Variants in SMARCA4 observed in about 807,000 individuals in gnomAD.
SMARCA4 encodes SWI/SNF related BAF chromatin remodeling complex subunit ATPase 4, also known as SWI/SNF-related matrix-associated actin-dependent regulator of chromatin subfamily A member 4.
Under a neutral mutation model 193.9 loss-of-function variants are expected in SMARCA4, and 31 were observed. That is an observed-to-expected ratio of 0.16 (90% CI 0.12 to 0.22). The LOEUF (loss-of-function observed/expected upper bound fraction) is 0.22, where lower values mean the gene tolerates loss of function less well. Among genes scored for constraint, SMARCA4 ranks in the 10% least tolerant of loss-of-function variants. The probability of loss-of-function intolerance (pLI) is 1.00; values close to 1 mark genes in which losing one functional copy is unlikely to be tolerated. For missense variants in SMARCA4, 1,148 were observed against 2,296.0 expected, an observed-to-expected ratio of 0.50 and a Z score of 10.22; for synonymous variants, 942 against 933.1, an observed-to-expected ratio of 1.01 and a Z score of -0.17.
At chr19:11,001,645 G>A (rs2087647228) in intron 11 of SMARCA4, among the ~76,000 whole-genome samples, 1 of 151,304 alleles carries the variant, frequency 6.6e-6, no homozygotes, top group South Asian at 2.1e-4. Flanking sequence ...CATTGTTGGG[G>A]TAAGAGGTTG....
chr19:11,039,514 A>G lies in SMARCA4; in HGVS notation c.4171-1793A>G, dbSNP rs909983958. ...CCAGCAGTGTGGCACGTGGGCTACAATTCCAGCGTGGCCTTCAGTTCTGCA... is the reference window on the plus strand; with the variant it reads ...CCAGCAGTGTGGCACGTGGGCTACAGTTCCAGCGTGGCCTTCAGTTCTGCA... On this transcript the variant is annotated intron_variant, in intron 29 of 34. Transcript: ENST00000344626. 6 of 1,602,624 alleles carry G rather than the reference A, an allele frequency of 3.7e-6. No homozygotes were observed. Among genetic ancestry groups the G allele is most frequent in the Non-Finnish European group, 4.3e-6 (5 of 1,176,038 alleles).
intron 11 of SMARCA4, among the ~76,000 whole-genome samples, chr19:10,999,493 T>TA (rs1173459565): frequency 6.6e-6 from 1 of 152,030 alleles, no homozygotes; most frequent in East Asian, 1.9e-4. Flanking sequence ...CTTGTCTTTA[T>TA]AAAAAATTTT....
At position 11,061,807 on chromosome 19, in the gene SMARCA4, A is replaced by C. The variant is rs1060504456; in HGVS notation, c.4935A>C (p.Glu1645Asp). ...AGGACCGCTCAGGAAGTGGCAGCGA[A>C]GAAGACTGAGCCCCGACATTCCAGT... The part of the protein sequence containing the change: ...QEEDRSGSGS[E>D]ED Residue 1645 changes from glutamate to aspartate, a missense_variant, in exon 35 of 35, where the codon GAA becomes GAC. Glu to Asp is a conservative substitution (Grantham distance 45). Coordinates refer to ENST00000344626, the MANE Select transcript of SMARCA4 (RefSeq NM_003072.5). 6.2e-7 allele frequency: 1 copy of C among 1,613,950 alleles called. No homozygotes were observed. Among genetic ancestry groups the C allele is most frequent in the Non-Finnish European group, 8.5e-7 (1 of 1,180,022 alleles).
In SMARCA4 at chr19:11,019,048, C is replaced by G. The variant is rs1186400982; in HGVS notation, c.2505+25C>G. 3.8e-6 allele frequency: 6 copies of G among 1,593,846 alleles called. No individual in the cohort carries two copies. Among genetic ancestry groups the G allele is most frequent in the Non-Finnish European group, 4.3e-6 (5 of 1,161,686 alleles). ...GGTAGGTCACAGCCACTGAGGTTTC[C>G]TCTCTTGCTACGGAGGTGCAGGCGG... On this transcript the variant is annotated intron_variant, in intron 17 of 34. Transcript: ENST00000344626. The surrounding 1 kb of genome is among the most constrained non-coding windows in gnomAD (Gnocchi z 6.1).
Position 11,019,156 on chromosome 19 carries a change from G to A in SMARCA4, c.2505+133G>A. ...CCAGTCGCATGGAGTCTCCAGGACA[G>A]CCTGGAACTCCAGTCACATGGATCC... On this transcript the variant is annotated intron_variant, in intron 17 of 34. Coordinates refer to ENST00000344626, the MANE Select transcript of SMARCA4 (RefSeq NM_003072.5). This position sits in a 1 kb window ranked among gnomAD's most constrained non-coding sequence, Gnocchi z 6.1. 6.6e-6 allele frequency: 5 copies of A among 756,920 alleles called. No individual in the cohort carries two copies. Among genetic ancestry groups the A allele is most frequent in the Non-Finnish European group, 1.2e-5 (5 of 422,484 alleles). 46.9% of individuals were successfully genotyped at this position (756,920 alleles called of 1,614,324 possible).
Position 10,984,470 on chromosome 19 carries a change from A to G in SMARCA4, c.222+97A>G, listed in dbSNP as rs1216857001. ...GGGCCTTACTTGGAGGATGGGGGGA[A>G]GCCTTCTTGTTGGAGGTGTCCTGCC... On this transcript the variant is annotated intron_variant, in intron 2 of 34. Transcript: ENST00000344626. The surrounding 1 kb of genome is among the most constrained non-coding windows in gnomAD (Gnocchi z 4.3). 6.5e-7 allele frequency: 1 copy of G among 1,546,092 alleles called. No individual in the cohort carries two copies. Among genetic ancestry groups the G allele is most frequent in the Non-Finnish European group, 8.7e-7 (1 of 1,145,288 alleles).
In SMARCA4 at chr19:11,007,931, A is replaced by G. The variant is rs761791338; in HGVS notation, c.2031A>G (p.Ala677=). 28 of 1,613,574 alleles carry G rather than the reference A, an allele frequency of 1.7e-5. No individual in the cohort carries two copies. The highest frequency in any genetic ancestry group is 2.3e-5 in the Non-Finnish European group (27 of 1,179,752). The change falls in exon 14 of 35, where the codon GCA becomes GCG. Residue 677 remains alanine (A), a synonymous_variant. Transcript: ENST00000344626. The stretch of plus-strand genomic sequence containing the variant: ...AGGAGGAAGAGCAGCCGCAGGCAGC[A>G]CAGCCTCCCACCCTGCCCGTGGAGG... ...EEEEEEQPQA[A]QPPTLPVEEK...
At position 11,058,706 on chromosome 19, in the gene SMARCA4, T is replaced by C. The variant is rs1389640131; in HGVS notation, c.4534-82T>C. ...CATAGGCACGAGGAATCCTAGCCCG[T>C]GGGGTCTCCAGCACACAGCCAGGCC... On this transcript the variant is annotated intron_variant, in intron 31 of 34. Transcript: ENST00000344626. The surrounding 1 kb of genome is among the most constrained non-coding windows in gnomAD (Gnocchi z 5.8). 10 of 1,186,472 alleles carry C rather than the reference T, an allele frequency of 8.4e-6. No individual in the cohort carries two copies. Among genetic ancestry groups the C allele is most frequent in the African/African-American group, 6.0e-5 (4 of 66,340 alleles). 73.5% of individuals were successfully genotyped at this position (1,186,472 alleles called of 1,614,324 possible).
intron 29 of SMARCA4, chr19:11,039,417 G>A (rs758321902): frequency 1.6e-6 from 2 of 1,221,584 alleles, no homozygotes; most frequent in East Asian, 2.5e-5. Flanking sequence ...GGCACGTTGT[G>A]CACTGAAACA....
intron 1 of SMARCA4, among the ~76,000 whole-genome samples, chr19:10,973,994 A>T (rs971866732): frequency 6.6e-6 from 1 of 152,184 alleles, no homozygotes; most frequent in African/African-American, 2.4e-5. Flanking sequence ...CTCTGCCATA[A>T]CCTGACTCCC....
Position 10,991,326 on chromosome 19 carries a change from A to G in SMARCA4, c.1419+3A>G, listed in dbSNP as rs2086541272. 6.3e-7 allele frequency: 1 copy of G among 1,587,660 alleles called. No individual in the cohort carries two copies. Among genetic ancestry groups the G allele is most frequent in the Non-Finnish European group, 8.6e-7 (1 of 1,167,664 alleles). On this transcript the variant is annotated splice_donor_region_variant and intron_variant, in intron 8 of 34. Transcript: ENST00000344626. ...GCAAGCGCCGGCAGAAGCACCAGGT[A>G]CGCTCCGGTGGCCCCAAGGCCCTGC...
intron 1 of SMARCA4, among the ~76,000 whole-genome samples, chr19:10,973,390 T>A (rs567784711): frequency 1.3e-5 from 2 of 151,648 alleles, no homozygotes; most frequent in South Asian, 4.2e-4. Flanking sequence ...CTTGGGTAGG[T>A]GCTCTTAAGC....
At chr19:11,026,119 T>C (rs1323197035) in intron 22 of SMARCA4, among the ~76,000 whole-genome samples, 181 bp from the exon 23 acceptor site, 1 of 152,200 alleles carries the variant, frequency 6.6e-6, no homozygotes, top group Non-Finnish European at 1.5e-5. Context: ...AGGGAAAGGA[T>C]GTCAGTGGAC....
At chr19:11,012,718 C>T in intron 15 of SMARCA4, 1 of 579,842 alleles carries the variant, frequency 1.7e-6, no homozygotes, top group African/African-American at 1.8e-5. Context: ...CACACGTGTC[C>T]ATCGTTCGCA....
intron 11 of SMARCA4, among the ~76,000 whole-genome samples, chr19:10,997,174 C>A (rs2087146579): frequency 6.6e-6 from 1 of 152,030 alleles, no homozygotes; most frequent in African/African-American, 2.4e-5. Context: ...CATCCACCAC[C>A]ACGCCCATTT....
rs947701433 is a variant in SMARCA4 at position 10,985,858 on chromosome 19, G to A, written c.356-331G>A. 6.6e-6 allele frequency among the ~76,000 whole-genome samples: 1 copy of A among 152,208 alleles called. No homozygotes were observed. The highest frequency in any genetic ancestry group is 1.5e-5 in the Non-Finnish European group (1 of 68,038). On this transcript the variant is annotated intron_variant, in intron 3 of 34. Coordinates refer to ENST00000344626, the MANE Select transcript of SMARCA4 (RefSeq NM_003072.5). The surrounding 1 kb of genome is among the most constrained non-coding windows in gnomAD (Gnocchi z 4.5). ...CTCAGGGGCTGCACTGGGAATGGAA[G>A]TGTTGGGGGTGGGCCTGGCGAGCCC...
rs1568498301 is a variant in SMARCA4 at position 11,027,846 on chromosome 19, G to A, written c.3278G>A (p.Arg1093Gln). Residue 1093 changes from arginine (R) to glutamine (Q), a missense_variant, in exon 24 of 35, where the codon CGA (arginine) becomes CAA (glutamine). Arg to Gln is a conservative substitution (Grantham distance 43). Around this residue, in one of 17 missense-constraint regions of SMARCA4, gnomAD observed 74 missense variants for 392.3 expected, o/e 0.19. Coordinates refer to ENST00000344626, the MANE Select transcript of SMARCA4 (RefSeq NM_003072.5). ...ELLDRILPKL[R>Q]ATNHKVLLFC... ...CTTGATAGAATTCTTCCCAAACTCC[G>A]AGCAACCAACCACAAAGTGCTGCTG... 9 of 1,614,108 alleles carry A rather than the reference G, an allele frequency of 5.6e-6. No individual in the cohort carries two copies. Among genetic ancestry groups the A allele is most frequent in the Non-Finnish European group, 7.6e-6 (9 of 1,180,040 alleles).
chr19:11,038,870 G>A (rs2075410899), intron 29 of SMARCA4, among the ~76,000 whole-genome samples: 1 of 152,154 alleles, frequency 6.6e-6, no homozygotes, highest in Non-Finnish European at 1.5e-5. Context: ...TTTACCATGA[G>A]GAATCTGTCT....
chr19:11,026,915 C>T (rs2090307625), intron 23 of SMARCA4, among the ~76,000 whole-genome samples: 1 of 152,222 alleles, frequency 6.6e-6, no homozygotes, highest in Non-Finnish European at 1.5e-5. Context: ...CTCTGTGACT[C>T]TAGACAGCTT....
Sources: gnomAD v4.1 joint callset for allele counts (sites outside exome capture counted in the v4.1 genomes callset) on GRCh38, gnomAD v4.1.1 for gene constraint, gnomAD v4.1.1 regional missense constraint, Gnocchi (gnomAD v3.1) non-coding constraint, MANE v1.5 for transcripts, NCBI Gene and HGNC (gene_info 2026-07-23, HGNC 2026-07-21) for gene names.